NRAP: variants seen among roughly 807,000 people sequenced by gnomAD.
The protein encoded by NRAP is nebulin related anchoring protein.
NRAP carries 189 observed loss-of-function variants against 225.9 expected under a neutral mutation model. The ratio of observed to expected loss-of-function variants is 0.84; its 90% CI spans 0.74 to 0.94. The LOEUF is 0.94. NRAP is among the 40% of genes least tolerant of loss of function. The pLI, the probability that NRAP is intolerant of heterozygous loss-of-function variation, is 0.00. For missense variants in NRAP, 2,176 were observed against 2,168.7 expected, an observed-to-expected ratio of 1.00 and a Z score of -0.07; for synonymous variants, 769 against 790.7, an observed-to-expected ratio of 0.97 and a Z score of 0.46.
intron 10 of NRAP, among the ~76,000 whole-genome samples, chr10:113,646,189 A>G (rs1207495013): frequency 4.6e-5 from 7 of 152,104 alleles, no homozygotes; most frequent in Admixed American, 4.6e-4. Context: ...GTGGGAAAAA[A>G]AAGTCTTAAA....
At position 113,617,516 on chromosome 10, in the gene NRAP, G is replaced by T; in HGVS notation, c.2912C>A (p.Thr971Asn). 2 of 1,612,684 alleles carry T rather than the reference G, an allele frequency of 1.2e-6. No homozygotes were observed. Among genetic ancestry groups the T allele is most frequent in the Non-Finnish European group, 8.5e-7 (1 of 1,178,814 alleles). Residue 971 changes from threonine (T) to asparagine (N), a missense_variant, in exon 26 of 42, where the codon ACC becomes AAC. This residue lies in a region of NRAP where 1,708 missense variants were observed against 1,695.5 expected (regional missense o/e 1.01). Transcript: ENST00000359988. ...YRQHPDALKF[T>N]SIKDTPEMVQ... ...CATCTCCGGAGTGTCTTTAATACTG[G>T]TAAACTTCAAAGCATCTGGATGCTG...
intron 35 of NRAP, among the ~76,000 whole-genome samples, chr10:113,599,019 T>G (rs919399155): frequency 6.6e-6 from 1 of 152,220 alleles, no homozygotes; most frequent in Non-Finnish European, 1.5e-5. Context: ...TCTCTTCTTC[T>G]CTTTATGGAA....
At chr10:113,653,078 G>T in intron 5 of NRAP, 39 bp from the exon 6 acceptor site, 1 of 1,114,648 alleles carries the variant, frequency 9.0e-7, no homozygotes, top group Non-Finnish European at 1.3e-6. Flanking sequence ...GAACTGAGAT[G>T]ATATTGAATG....
chr10:113,606,922 G>A (rs1295887477), intron 32 of NRAP, among the ~76,000 whole-genome samples: 2 of 152,032 alleles, frequency 1.3e-5, no homozygotes, highest in Admixed American at 6.5e-5. Flanking sequence ...AAAACTTAGG[G>A]CCAGGCGTGG....
At chr10:113,594,790 A>G (rs947425580) in intron 38 of NRAP, among the ~76,000 whole-genome samples, 1 of 152,240 alleles carries the variant, frequency 6.6e-6, no homozygotes, top group Non-Finnish European at 1.5e-5. Flanking sequence ...CAATCCCTGC[A>G]AGGCAGCCAC....
chr10:113,621,987 C>A lies in NRAP; in HGVS notation c.2651G>T (p.Arg884Leu), dbSNP rs749440458. 2 of 1,614,052 alleles carry A rather than the reference C, an allele frequency of 1.2e-6. No homozygotes were observed. The highest frequency in any genetic ancestry group is 1.1e-5 in the South Asian group (1 of 91,080). The change falls in exon 24 of 42, where the codon CGC becomes CTC. Residue 884 changes from arginine to leucine, a missense_variant. By Grantham distance (102) the Arg-to-Leu change is moderately radical (BLOSUM62 -2). Coordinates refer to ENST00000359988, the MANE Select transcript of NRAP (RefSeq NM_198060.4). ...SLDMVHLVHA[R>L]KAQHLATDVG... Reference sequence around the variant, plus strand: ...GTCTGTGGCTAAATGCTGAGCTTTGCGGGCATGCACGAGGTGGACCATGTC... The same window carrying A: ...GTCTGTGGCTAAATGCTGAGCTTTGAGGGCATGCACGAGGTGGACCATGTC...
Position 113,597,053 on chromosome 10 carries a change from C to T in NRAP, c.4431+33G>A, listed in dbSNP as rs1462552658. The T allele has an allele frequency of 4.3e-6, 6 of 1,410,810 alleles. No homozygotes were observed. The Admixed American group carries it at 8.4e-5, about 20-fold the overall frequency. The allele number at this position is 1,410,810 out of a possible 1,614,324, so 87.4% of individuals were successfully genotyped here. The stretch of plus-strand genomic sequence containing the variant: ...ACCACTGAGCAGCAGTGCTACACTG[C>T]ATGCCCGGGATGAATGACAAGAAAG... On this transcript the variant is annotated intron_variant, in intron 37 of 41. Coordinates refer to ENST00000359988, the MANE Select transcript of NRAP (RefSeq NM_198060.4).
chr10:113,597,821 G>T, intron 36 of NRAP, 148 bp downstream of exon 36: 2 of 661,898 alleles, frequency 3.0e-6, no homozygotes, highest in Non-Finnish European at 2.8e-6. Context: ...TTCTGTCTTG[G>T]GATTTGGTTG....
chr10:113,647,913 C>A (rs765309649), intron 9 of NRAP, among the ~76,000 whole-genome samples: 3 of 152,106 alleles, frequency 2.0e-5, no homozygotes, highest in Non-Finnish European at 4.4e-5. Context: ...AAAGGAAAAC[C>A]TTCTCTTTCA....
At chr10:113,605,437 T>G (rs1201185525) in intron 34 of NRAP, among the ~76,000 whole-genome samples, 2 of 152,224 alleles carry the variant, frequency 1.3e-5, no homozygotes, top group Non-Finnish European at 2.9e-5. Context: ...GCAATTTCTA[T>G]TGAGAGTTCT....
At chr10:113,628,696 T>A (rs1459740828) in intron 20 of NRAP, among the ~76,000 whole-genome samples, 5 of 152,232 alleles carry the variant, frequency 3.3e-5, no homozygotes, top group Non-Finnish European at 7.3e-5. Context: ...AACTGCTACT[T>A]AAAGTAAATC....
chr10:113,590,500 G>A, intron 40 of NRAP, 78 bp downstream of exon 40: 11 of 1,408,214 alleles, frequency 7.8e-6, no homozygotes, highest in Non-Finnish European at 1.1e-5. Flanking sequence ...AGCTAACAAT[G>A]GAACGTGGCA....
In NRAP at chr10:113,657,162, G is replaced by T. The variant is rs530494369; in HGVS notation, c.360+308C>A. Among the ~76,000 whole-genome samples, 130 of 152,222 alleles carry T rather than the reference G, an allele frequency of 8.5e-4. 1 individual carries two copies. Among genetic ancestry groups the T allele is most frequent in the Admixed American group, 2.6e-3 (40 of 15,296 alleles). ...GGCAGAAAATGATGTAGATCAGAAC[G>T]GGGAGAGTGGAGAGAAAAGGGTGGA... On this transcript the variant is annotated intron_variant, in intron 4 of 41. Transcript: ENST00000359988.
chr10:113,610,420 G>T (rs1418651828), intron 31 of NRAP, 39 bp downstream of exon 31: 1 of 924,112 alleles, frequency 1.1e-6, no homozygotes. Flanking sequence ...CTCTGCTGTG[G>T]AAATGTCCTG....
intron 14 of NRAP, among the ~76,000 whole-genome samples, chr10:113,638,549 G>A (rs1318338414): frequency 6.6e-6 from 1 of 152,106 alleles, no homozygotes; most frequent in African/African-American, 2.4e-5. Flanking sequence ...TACATTATGG[G>A]TGATAAACTC....
chr10:113,649,815 A>G (rs1449061791), intron 9 of NRAP, among the ~76,000 whole-genome samples: 1 of 152,182 alleles, frequency 6.6e-6, no homozygotes. Flanking sequence ...TCATTTATTA[A>G]TTTAAAAAAA....
In NRAP at chr10:113,650,517, T is replaced by C. The variant is rs1193163169; in HGVS notation, c.704A>G (p.Gln235Arg). 9 of 1,613,692 alleles carry C rather than the reference T, an allele frequency of 5.6e-6. No homozygotes were observed. In the South Asian group the frequency reaches 7.7e-5, roughly 14 times the overall value. ...DVRYTEDYEQ[Q>R]RGKGSFPAMI... is the part of the protein sequence containing the mutation. ...CGCAGGGAAACTGCCTTTCCCTCTT[T>C]GTTGTTCATAGTCCTCTGTGTATCT... The change falls in exon 8 of 42, where the codon CAA becomes CGA. Residue 235 changes from glutamine (Q) to arginine (R), a missense_variant. Around this residue, in one of 3 missense-constraint regions of NRAP, gnomAD observed 1,708 missense variants for 1,695.5 expected, o/e 1.01. Transcript: ENST00000359988.
At chr10:113,597,858 G>T in intron 36 of NRAP, 111 bp downstream of exon 36, 2 of 786,340 alleles carry the variant, frequency 2.5e-6, no homozygotes, top group Admixed American at 1.9e-5. Context: ...AATACTGGGA[G>T]TCCAGTGGCC....
Position 113,644,287 on chromosome 10 carries a change from C to G in NRAP, c.1111-1249G>C, listed in dbSNP as rs907687336. 3.3e-5 allele frequency among the ~76,000 whole-genome samples: 5 copies of G among 151,896 alleles called. No individual in the cohort carries two copies. In the East Asian group the frequency reaches 7.7e-4, roughly 24 times the overall value. ...GAATTAGATACTTTACTTTTCCAGG[C>G]GTATGACAAAGTGATAGCCTAATGA... On this transcript the variant is annotated intron_variant, in intron 11 of 41. Transcript: ENST00000359988.
Sources: allele counts gnomAD v4.1 joint callset (sites outside exome capture counted in the v4.1 genomes callset), GRCh38; gene constraint gnomAD v4.1.1; regional missense constraint gnomAD v4.1.1; transcripts MANE v1.5; gene names NCBI Gene and HGNC (gene_info 2026-07-23, HGNC 2026-07-21).